Variants in TRAPPC9 observed in about 807,000 individuals in gnomAD.
TRAPPC9 encodes the protein trafficking protein particle complex subunit 9, also known as IKK2 binding protein.
Under a neutral mutation model 124.0 loss-of-function variants are expected in TRAPPC9, and 83 were observed. The ratio of observed to expected loss-of-function variants is 0.67; its 90% CI spans 0.56 to 0.80. TRAPPC9 has a LOEUF of 0.80. Among genes scored for constraint, TRAPPC9 ranks in the 30% least tolerant of loss-of-function variants. The probability of loss-of-function intolerance (pLI) is 0.00; values close to 1 mark genes in which losing one functional copy is unlikely to be tolerated. For missense variants in TRAPPC9, 1,302 were observed against 1,508.3 expected (o/e 0.86, Z 2.27); for synonymous variants, 638 against 617.5 (o/e 1.03, Z -0.49).
chr8:140,273,358 G>A (rs1194726612), intron 15 of TRAPPC9, among the ~76,000 whole-genome samples: 2 of 152,168 alleles, frequency 1.3e-5, no homozygotes, highest in Non-Finnish European at 2.9e-5. Context: ...TTCTGGTGTG[G>A]CCTGTCTCCT....
chr8:140,233,545 CCTTCCTCTCTCTCTCACACACACA>C (rs1257973072), intron 16 of TRAPPC9, among the ~76,000 whole-genome samples: 4 of 149,922 alleles, frequency 2.7e-5, no homozygotes, highest in Admixed American at 6.7e-5. Flanking sequence ...CCCCTCCCTC[CCTTCCTCTCTCTCTCACACACACA>C]CTTCCTCTCT....
At chr8:140,080,348 T>C (rs921919655) in intron 17 of TRAPPC9, among the ~76,000 whole-genome samples, 1 of 152,230 alleles carries the variant, frequency 6.6e-6, no homozygotes, top group African/African-American at 2.4e-5. Context: ...CATTTGGTGT[T>C]GCTGCAACAG....
intron 19 of TRAPPC9, among the ~76,000 whole-genome samples, chr8:139,953,082 C>T (rs1242210577): frequency 1.3e-5 from 2 of 152,174 alleles, no homozygotes; most frequent in African/African-American, 2.4e-5. Context: ...GCAGAGGACA[C>T]GATGGAATAA....
chr8:140,277,567 C>A (rs13276843), intron 14 of TRAPPC9, among the ~76,000 whole-genome samples: 29,560 of 152,284 alleles, frequency 0.19, 3,295 homozygotes, highest in Middle Eastern at 0.37. Flanking sequence ...CAACGCTTCA[C>A]CTGGCAGTCA....
intron 21 of TRAPPC9, among the ~76,000 whole-genome samples, chr8:139,753,324 C>G (rs1000275417): frequency 1.5e-4 from 21 of 136,970 alleles, no homozygotes; most frequent in Admixed American, 1.4e-3. Context: ...ATCCACCATC[C>G]ACCCATCCAC....
At chr8:140,404,909 CGTGTGTGTGTGTGTGTGTGTGTGT>C (rs71320356) in intron 6 of TRAPPC9, among the ~76,000 whole-genome samples, 6 of 119,964 alleles carry the variant, frequency 5.0e-5, no homozygotes, top group Admixed American at 1.6e-4. Context: ...TGTGAGCATG[CGTGTGTGTGTGTGTGTGTGTGTGT>C]GTGTGTGTGT....
intron 17 of TRAPPC9, among the ~76,000 whole-genome samples, chr8:140,052,051 C>A (rs1182265307): frequency 6.6e-6 from 1 of 152,102 alleles, no homozygotes; most frequent in Non-Finnish European, 1.5e-5. Context: ...CATCAGGGGC[C>A]GGCCAGGTGA....
At chr8:140,111,001 CTTCCTCTT>C (rs1554625471) in intron 17 of TRAPPC9, among the ~76,000 whole-genome samples, 1 of 137,324 alleles carries the variant, frequency 7.3e-6, no homozygotes, top group Non-Finnish European at 1.6e-5. Context: ...TGGGTAACTG[CTTCCTCTT>C]GTCCTTCTAC....
intron 16 of TRAPPC9, among the ~76,000 whole-genome samples, chr8:140,235,931 G>A (rs868719397): frequency 6.6e-6 from 1 of 151,996 alleles, no homozygotes; most frequent in African/African-American, 2.4e-5. Flanking sequence ...CACACAATAT[G>A]CATGCATCTC....
intron 16 of TRAPPC9, among the ~76,000 whole-genome samples, chr8:140,222,009 G>C (rs1396506482): frequency 6.6e-6 from 1 of 152,170 alleles, no homozygotes; most frequent in African/African-American, 2.4e-5. Context: ...ATGAGTAAAA[G>C]CTGAGAGTGC....
Position 139,730,799 on chromosome 8 carries a change from G to C in TRAPPC9, c.*262C>G. 1.9e-6 allele frequency: 1 copy of C among 524,244 alleles called. No homozygotes were observed. Among genetic ancestry groups the C allele is most frequent in the Non-Finnish European group, 3.4e-6 (1 of 292,144 alleles). The allele number at this position is 524,244 out of a possible 1,614,324, so 32.5% of individuals were successfully genotyped here. A position where few individuals can be genotyped will look rare whatever the true frequency, so the allele number is the denominator to read the frequency against. ...CCTGGGCTGGATGGGCACCCGCTTT[G>C]GGATTTCCTCTGCTTCAGCCTGTGT... On this transcript the variant is annotated 3_prime_UTR_variant, in exon 23 of 23. Coordinates refer to ENST00000438773, the MANE Select transcript of TRAPPC9 (RefSeq NM_001160372.4).
intron 21 of TRAPPC9, among the ~76,000 whole-genome samples, chr8:139,757,513 G>A (rs1484438302): frequency 6.6e-6 from 1 of 151,914 alleles, no homozygotes; most frequent in Non-Finnish European, 1.5e-5. Context: ...ATCACAGGAG[G>A]AGCCAGGGTT....
chr8:140,244,934 G>A (rs749902522), intron 16 of TRAPPC9, among the ~76,000 whole-genome samples: 1 of 149,702 alleles, frequency 6.7e-6, no homozygotes, highest in Non-Finnish European at 1.5e-5. Flanking sequence ...AGCCTCCCGA[G>A]TACCTGGGAT....
At chr8:140,267,980 C>T (rs972737845) in intron 15 of TRAPPC9, among the ~76,000 whole-genome samples, 2 of 151,858 alleles carry the variant, frequency 1.3e-5, no homozygotes, top group African/African-American at 4.8e-5. Context: ...AAAAGCTATT[C>T]GTAGTACTGA....
intron 21 of TRAPPC9, among the ~76,000 whole-genome samples, chr8:139,839,551 C>T (rs1284964865): frequency 6.6e-6 from 1 of 152,202 alleles, no homozygotes; most frequent in Non-Finnish European, 1.5e-5. Flanking sequence ...ATGATTTTGG[C>T]CTCTGTGAAG....
chr8:139,968,488 G>A (rs1253809965), intron 19 of TRAPPC9, among the ~76,000 whole-genome samples: 1 of 152,130 alleles, frequency 6.6e-6, no homozygotes, highest in East Asian at 1.9e-4. Context: ...CGGCCTTTGG[G>A]CCAGACCAGC....
At chr8:140,447,269 A>T (rs2071298042) in intron 2 of TRAPPC9, among the ~76,000 whole-genome samples, 1 of 149,892 alleles carries the variant, frequency 6.7e-6, no homozygotes, top group Non-Finnish European at 1.5e-5. Flanking sequence ...GTTACCTGCT[A>T]AAAAAAAGCT....
At chr8:139,902,473 A>T (rs1388810422) in intron 20 of TRAPPC9, among the ~76,000 whole-genome samples, 1 of 152,214 alleles carries the variant, frequency 6.6e-6, no homozygotes, top group Non-Finnish European at 1.5e-5. Context: ...GTTATTACAA[A>T]CAGCTATAAA....
chr8:140,059,304 C>G (rs973652962), intron 17 of TRAPPC9, among the ~76,000 whole-genome samples: 53 of 152,338 alleles, frequency 3.5e-4, no homozygotes, highest in African/African-American at 1.3e-3. Context: ...GCAGCTTGTT[C>G]CTTGTTGTCA....
Sources: gnomAD v4.1 joint callset for allele counts (sites outside exome capture counted in the v4.1 genomes callset) on GRCh38, gnomAD v4.1.1 for gene constraint, MANE v1.5 for transcripts, NCBI Gene and HGNC (gene_info 2026-07-23, HGNC 2026-07-21) for gene names.